SPAG16: variants seen among roughly 807,000 people sequenced by gnomAD.
SPAG16 encodes sperm-associated antigen 16 protein.
SPAG16 carries 86 observed loss-of-function variants against 80.4 expected under a neutral mutation model. The ratio of observed to expected loss-of-function variants is 1.07; its 90% CI spans 0.90 to 1.28. The LOEUF is 1.28. Among genes scored for constraint, SPAG16 ranks in the 50% most tolerant of loss-of-function variants. SPAG16 has a pLI of 0.00. For missense variants in SPAG16, 870 were observed against 765.3 expected (o/e 1.14, Z -1.61); for synonymous variants, 294 against 265.9 (o/e 1.11, Z -1.03).
At chr2:213,340,886 C>G (rs1286998700) in intron 6 of SPAG16, among the ~76,000 whole-genome samples, 2 of 152,130 alleles carry the variant, frequency 1.3e-5, no homozygotes, top group Non-Finnish European at 2.9e-5. Flanking sequence ...ATTTTGCTTG[C>G]TCTAAGGCAG....
intron 15 of SPAG16, among the ~76,000 whole-genome samples, chr2:214,171,969 C>T (rs376678664): frequency 5.3e-5 from 8 of 151,798 alleles, no homozygotes; most frequent in Middle Eastern, 3.4e-3. Context: ...CATCACTTTA[C>T]GTAATTACTT....
At chr2:214,272,426 C>T (rs1692102855) in intron 15 of SPAG16, among the ~76,000 whole-genome samples, 1 of 152,040 alleles carries the variant, frequency 6.6e-6, no homozygotes, top group Non-Finnish European at 1.5e-5. Context: ...GGTATTTGTC[C>T]TAATGCTATC....
At chr2:214,231,919 T>A (rs984202883) in intron 15 of SPAG16, among the ~76,000 whole-genome samples, 12 of 152,108 alleles carry the variant, frequency 7.9e-5, no homozygotes, top group Non-Finnish European at 1.5e-4. Context: ...AGAGACTATA[T>A]GCAGTTTTAT....
At chr2:213,781,665 C>T (rs1257023251) in intron 10 of SPAG16, among the ~76,000 whole-genome samples, 3 of 152,274 alleles carry the variant, frequency 2.0e-5, no homozygotes, top group South Asian at 4.1e-4. Flanking sequence ...TGCATATCCA[C>T]TCTGTACCTA....
At chr2:214,385,223 G>T (rs576781604) in intron 15 of SPAG16, among the ~76,000 whole-genome samples, 30 of 152,260 alleles carry the variant, frequency 2.0e-4, no homozygotes, top group Middle Eastern at 3.4e-3. Flanking sequence ...ATGCTCTTGA[G>T]AGTTAACTTC....
chr2:213,324,693 C>T (rs567577494), intron 5 of SPAG16, among the ~76,000 whole-genome samples: 1 of 152,052 alleles, frequency 6.6e-6, no homozygotes, highest in Non-Finnish European at 1.5e-5. Flanking sequence ...AAAGATAAAA[C>T]TGCTGTGAAC....
chr2:213,761,003 A>T (rs953931735), intron 10 of SPAG16, among the ~76,000 whole-genome samples: 1 of 152,010 alleles, frequency 6.6e-6, no homozygotes, highest in Non-Finnish European at 1.5e-5. Flanking sequence ...TGACCCACTC[A>T]CCCCTTATTT....
At chr2:213,635,317 G>A (rs1414766942) in intron 10 of SPAG16, among the ~76,000 whole-genome samples, 1 of 152,080 alleles carries the variant, frequency 6.6e-6, no homozygotes, top group Non-Finnish European at 1.5e-5. Flanking sequence ...TTACAGGCGT[G>A]AGCCACCATG....
intron 10 of SPAG16, among the ~76,000 whole-genome samples, chr2:213,665,371 A>AAC (rs201728391): frequency 4.0e-5 from 6 of 151,778 alleles, no homozygotes; most frequent in South Asian, 2.1e-4. Flanking sequence ...ATGCTGGATA[A>AAC]ACACACACAC....
intron 10 of SPAG16, among the ~76,000 whole-genome samples, chr2:213,833,566 A>ATT (rs1491310920): frequency 2.6e-4 from 3 of 11,360 alleles, no homozygotes; most frequent in Admixed American, 2.0e-3. Flanking sequence ...TAATATATAT[A>ATT]ATATATATAT....
At chr2:213,556,012 G>T (rs1301862531) in intron 10 of SPAG16, among the ~76,000 whole-genome samples, 1 of 151,906 alleles carries the variant, frequency 6.6e-6, no homozygotes, top group South Asian at 2.1e-4. Flanking sequence ...GCTTAAAATG[G>T]CCTGTAATAA....
At chr2:214,314,299 T>C in intron 15 of SPAG16, among the ~76,000 whole-genome samples, 1 of 152,252 alleles carries the variant, frequency 6.6e-6, no homozygotes, top group African/African-American at 2.4e-5. Flanking sequence ...TGCCTAGTGT[T>C]AAAACTTATG....
In SPAG16 at chr2:214,410,287, C is replaced by T. The variant is rs1360916244; in HGVS notation, c.1868C>T (p.Ser623Phe). The T allele has an allele frequency of 6.2e-7, 1 of 1,607,516 alleles. No homozygotes were observed. The highest frequency in any genetic ancestry group is 8.5e-7 in the Non-Finnish European group (1 of 1,174,334). Reference sequence around the variant, plus strand: ...GGGGAGATTCTCTTTTCTGGAGGCTCTGACGGCACAGTTCGAACGTGGTCT... The same window carrying T: ...GGGGAGATTCTCTTTTCTGGAGGCTTTGACGGCACAGTTCGAACGTGGTCT... ...HDGEILFSGG[S>F]DGTVRTWS The change falls in exon 16 of 16, where the codon TCT (serine) becomes TTT (phenylalanine). Residue 623 changes from serine to phenylalanine, a missense_variant. By Grantham distance (155) the Ser-to-Phe change is radical. Coordinates refer to ENST00000331683, the MANE Select transcript of SPAG16 (RefSeq NM_024532.5).
chr2:214,112,639 CT>C (rs56776022), intron 14 of SPAG16, among the ~76,000 whole-genome samples: 11,566 of 112,748 alleles, frequency 0.1, 591 homozygotes, highest in East Asian at 0.28. Flanking sequence ...GCAACCCCTG[CT>C]TTTTTTTTTT....
intron 15 of SPAG16, among the ~76,000 whole-genome samples, chr2:214,159,381 A>G (rs2056347834): frequency 1.3e-5 from 2 of 152,012 alleles, no homozygotes; most frequent in Non-Finnish European, 1.5e-5. Context: ...CCCAAAGTCA[A>G]GTAGCTCAAG....
chr2:214,089,052 T>C (rs922107021), intron 13 of SPAG16, among the ~76,000 whole-genome samples: 1 of 152,086 alleles, frequency 6.6e-6, no homozygotes, highest in African/African-American at 2.4e-5. Context: ...AAATAGAGAA[T>C]ATATTAATAT....
At chr2:213,529,227 A>G (rs541064607) in intron 10 of SPAG16, among the ~76,000 whole-genome samples, 8 of 152,310 alleles carry the variant, frequency 5.3e-5, no homozygotes, top group African/African-American at 1.2e-4. Context: ...AACATGATCA[A>G]TGCAGTTACC....
Position 214,376,559 on chromosome 2 carries a change from A to G in SPAG16, c.1721-33581A>G, listed in dbSNP as rs534206526. Reference sequence around the variant, plus strand: ...AATGGAAATTGTTTGGTTTGACACTATATTTTCTTGATAATAATCTTGTAT... The same window carrying G: ...AATGGAAATTGTTTGGTTTGACACTGTATTTTCTTGATAATAATCTTGTAT... On this transcript the variant is annotated intron_variant, in intron 15 of 15. Transcript: ENST00000331683. Among the ~76,000 whole-genome samples the G allele has an allele frequency of 9.9e-5, 15 of 152,236 alleles. 1 individual carries two copies. The East Asian group carries it at 2.5e-3, about 25-fold the overall frequency.
At chr2:214,303,302 T>C (rs1190881838) in intron 15 of SPAG16, among the ~76,000 whole-genome samples, 1 of 152,238 alleles carries the variant, frequency 6.6e-6, no homozygotes, top group East Asian at 1.9e-4. Context: ...TGAGCTTTTC[T>C]TGCAGGGCTG....
Sources: allele counts gnomAD v4.1 joint callset (sites outside exome capture counted in the v4.1 genomes callset), GRCh38; gene constraint gnomAD v4.1.1; transcripts MANE v1.5; gene names NCBI Gene and HGNC (gene_info 2026-07-23, HGNC 2026-07-21).